RBM20: variants seen among roughly 807,000 people sequenced by gnomAD.
The protein encoded by RBM20 is RNA binding motif protein 20, also known as RNA-binding protein 20.
In RBM20, 51 loss-of-function variants were observed where a neutral mutation model predicts 110.1. The observed-to-expected ratio is 0.46, with a 90% CI of 0.37 to 0.59. The LOEUF is 0.59. Ranked by LOEUF, RBM20 falls within the 20% of genes least tolerant of loss-of-function variation. RBM20 has a pLI of 0.00. For missense variants in RBM20, 1,512 were observed against 1,574.9 expected, an observed-to-expected ratio of 0.96 and a Z score of 0.68; for synonymous variants, 589 against 618.2, an observed-to-expected ratio of 0.95 and a Z score of 0.70.
chr10:110,709,710 G>A (rs544795062), intron 1 of RBM20, among the ~76,000 whole-genome samples: 3 of 151,914 alleles, frequency 2.0e-5, no homozygotes, highest in East Asian at 1.9e-4. Flanking sequence ...GAGACTACAG[G>A]CGTGTGCCAC....
intron 1 of RBM20, among the ~76,000 whole-genome samples, chr10:110,650,172 A>C (rs1434974685): frequency 2.0e-5 from 3 of 152,194 alleles, no homozygotes; most frequent in African/African-American, 7.2e-5. Context: ...CCTCCCCCCA[A>C]ATAACTTGTG....
intron 1 of RBM20, among the ~76,000 whole-genome samples, chr10:110,769,079 C>T (rs1490825390): frequency 1.3e-5 from 2 of 152,170 alleles, no homozygotes; most frequent in Admixed American, 6.5e-5. Context: ...AATTCTTAGA[C>T]TTTGCTGCAC....
chr10:110,736,901 G>A (rs932564534), intron 1 of RBM20, among the ~76,000 whole-genome samples: 7 of 151,962 alleles, frequency 4.6e-5, no homozygotes, highest in African/African-American at 9.7e-5. Flanking sequence ...CCGGCCTGGC[G>A]CAGTGGCTCA....
At chr10:110,719,373 T>C (rs1263098578) in intron 1 of RBM20, among the ~76,000 whole-genome samples, 1 of 152,248 alleles carries the variant, frequency 6.6e-6, no homozygotes, top group Non-Finnish European at 1.5e-5. Flanking sequence ...CTTCCATTAA[T>C]TGATACTCAT....
At chr10:110,705,351 A>T (rs1159485004) in intron 1 of RBM20, among the ~76,000 whole-genome samples, 1 of 152,252 alleles carries the variant, frequency 6.6e-6, no homozygotes, top group African/African-American at 2.4e-5. Context: ...ATAAGTTTTA[A>T]ATATACTACT....
At chr10:110,805,681 G>A (rs1844685236) in intron 7 of RBM20, among the ~76,000 whole-genome samples, 1 of 152,206 alleles carries the variant, frequency 6.6e-6, no homozygotes, top group African/African-American at 2.4e-5. Flanking sequence ...TGCGGGCAGG[G>A]CTGGGGCTGC....
chr10:110,737,177 C>CAAAAAAAAAAAAAAA (rs550138775), intron 1 of RBM20, among the ~76,000 whole-genome samples: 14 of 26,600 alleles, frequency 5.3e-4, no homozygotes, highest in African/African-American at 1.8e-3. Flanking sequence ...AACTCTGCCT[C>CAAAAAAAAAAAAAAA]AAAAAAAAAA....
At chr10:110,780,047 G>A (rs983064718) in intron 1 of RBM20, among the ~76,000 whole-genome samples, 13 of 152,056 alleles carry the variant, frequency 8.5e-5, no homozygotes, top group Admixed American at 2.0e-4. Context: ...TTTACCATTG[G>A]CAATCACGGG....
chr10:110,773,121 AGTGT>A (rs1418683821), intron 1 of RBM20, among the ~76,000 whole-genome samples: 2 of 152,240 alleles, frequency 1.3e-5, no homozygotes, highest in Non-Finnish European at 2.9e-5. Context: ...CTCAGTCTTC[AGTGT>A]GTTAGAGGAA....
intron 5 of RBM20, among the ~76,000 whole-genome samples, chr10:110,787,502 G>A (rs1341015127): frequency 1.3e-5 from 2 of 152,344 alleles, no homozygotes; most frequent in East Asian, 3.9e-4. Context: ...ATAGGATTTT[G>A]TCCGAGTCTT....
intron 1 of RBM20, among the ~76,000 whole-genome samples, chr10:110,658,607 C>A (rs1862059404): frequency 6.6e-6 from 1 of 152,130 alleles, no homozygotes; most frequent in East Asian, 1.9e-4. Context: ...CCAGCTCTAC[C>A]CCCGGCCTCC....
chr10:110,663,657 T>G (rs960761323), intron 1 of RBM20, among the ~76,000 whole-genome samples: 5 of 152,220 alleles, frequency 3.3e-5, no homozygotes, highest in African/African-American at 1.2e-4. Context: ...TAAATTCACA[T>G]GGACAAAAGT....
chr10:110,703,003 G>GA (rs1862782337), intron 1 of RBM20, among the ~76,000 whole-genome samples: 1 of 124,052 alleles, frequency 8.1e-6, no homozygotes, highest in Non-Finnish European at 1.7e-5. Flanking sequence ...TTTTTTTTTT[G>GA]TTTTTTTTTT....
Position 110,812,560 on chromosome 10 carries a change from TGA to T in RBM20, c.2165_2166del (p.Glu722ValfsTer34). ...ACCACCCCCGGCAACTGGACAAGGCTGAGTTGGACGAGCGACCAGAAGGAGGG... is the reference window on the plus strand; with the variant it reads ...ACCACCCCCGGCAACTGGACAAGGCTGTTGGACGAGCGACCAGAAGGAGGG... ...KHHPRQLDKAELDERPEGGRP... is the reference protein window; with the variant it reads ...KHHPRQLDKAXLDERPEGGRP... On this transcript the variant is annotated frameshift_variant, in exon 9 of 14. Transcript: ENST00000369519. LOFTEE classifies it high-confidence loss of function. The T allele has an allele frequency of 6.4e-7, 1 of 1,551,584 alleles. No individual in the cohort carries two copies. Among genetic ancestry groups the T allele is most frequent in the Non-Finnish European group, 8.7e-7 (1 of 1,146,974 alleles).
intron 1 of RBM20, among the ~76,000 whole-genome samples, chr10:110,735,276 G>C (rs995635974): frequency 2.1e-4 from 32 of 152,210 alleles, no homozygotes; most frequent in Admixed American, 2.1e-3. Flanking sequence ...CTGGCAACCA[G>C]TAGGGGTCTT....
chr10:110,742,376 C>G (rs568448687), intron 1 of RBM20, among the ~76,000 whole-genome samples: 1 of 152,254 alleles, frequency 6.6e-6, no homozygotes, highest in South Asian at 2.1e-4. Flanking sequence ...GACAAACTTT[C>G]CACACATGAC....
intron 1 of RBM20, among the ~76,000 whole-genome samples, chr10:110,745,999 A>C (rs1022603143): frequency 1.3e-5 from 2 of 152,128 alleles, no homozygotes; most frequent in African/African-American, 4.8e-5. Context: ...AGAACCCTTT[A>C]TTATTTCTCA....
At chr10:110,688,709 A>G (rs1436545213) in intron 1 of RBM20, among the ~76,000 whole-genome samples, 1 of 152,208 alleles carries the variant, frequency 6.6e-6, no homozygotes, top group Non-Finnish European at 1.5e-5. Flanking sequence ...ACTTCCCCTA[A>G]TGTCAATACC....
At chr10:110,672,686 C>T (rs1384937015) in intron 1 of RBM20, among the ~76,000 whole-genome samples, 6 of 152,228 alleles carry the variant, frequency 3.9e-5, no homozygotes, top group African/African-American at 1.4e-4. Context: ...GGTCTTTTCT[C>T]CTGGAGTGGG....
Sources: gnomAD v4.1 joint callset for allele counts (sites outside exome capture counted in the v4.1 genomes callset) on GRCh38, gnomAD v4.1.1 for gene constraint, MANE v1.5 for transcripts, NCBI Gene and HGNC (gene_info 2026-07-23, HGNC 2026-07-21) for gene names.